FSTL5: variants seen among roughly 807,000 people sequenced by gnomAD.
The protein encoded by FSTL5 is follistatin-related protein 5.
In FSTL5, 62 loss-of-function variants were observed where a neutral mutation model predicts 89.1. The observed-to-expected ratio is 0.70, with a 90% CI of 0.57 to 0.86. The LOEUF (loss-of-function observed/expected upper bound fraction) is 0.86, where lower values mean the gene tolerates loss of function less well. FSTL5 is among the 40% of genes least tolerant of loss of function. FSTL5 has a pLI of 0.00. For synonymous variants in FSTL5, 383 were observed against 346.2 expected, an observed-to-expected ratio of 1.11 and a Z score of -1.18; for missense variants, 1,057 against 1,001.6, an observed-to-expected ratio of 1.06 and a Z score of -0.75.
At position 162,157,577 on chromosome 4, in the gene FSTL5, A is replaced by T. The variant is rs199680269; in HGVS notation, c.-17+6038T>A. Among the ~76,000 whole-genome samples, 6 of 152,240 alleles carry T rather than the reference A, an allele frequency of 3.9e-5. No individual in the cohort carries two copies. In the East Asian group the frequency reaches 1.2e-3, roughly 29 times the overall value. On this transcript the variant is annotated intron_variant, in intron 1 of 15. Coordinates refer to ENST00000306100, the MANE Select transcript of FSTL5 (RefSeq NM_020116.5). ...GAATGGTATACACAATCTCGTAAAA[A>T]TTCCAAGATTAAAAACATTTATGCC...
At chr4:161,941,160 A>G (rs1246756975) in intron 3 of FSTL5, among the ~76,000 whole-genome samples, 2 of 151,904 alleles carry the variant, frequency 1.3e-5, no homozygotes, top group African/African-American at 2.4e-5. Context: ...CTAAAAATAT[A>G]CATAAAAGGA....
intron 7 of FSTL5, among the ~76,000 whole-genome samples, chr4:161,603,648 A>T (rs1041920079): frequency 9.2e-5 from 14 of 152,308 alleles, no homozygotes; most frequent in Admixed American, 5.2e-4. Flanking sequence ...TTGTTTTTTT[A>T]AAATATTTTT....
chr4:161,833,643 C>A (rs1443221941), intron 4 of FSTL5, among the ~76,000 whole-genome samples: 1 of 151,994 alleles, frequency 6.6e-6, no homozygotes, highest in Admixed American at 6.6e-5. Flanking sequence ...TAATAGCCTT[C>A]TTTGTCTCTT....
At chr4:161,797,569 G>T (rs1020116376) in intron 4 of FSTL5, among the ~76,000 whole-genome samples, 1 of 151,420 alleles carries the variant, frequency 6.6e-6, no homozygotes, top group African/African-American at 2.4e-5. Flanking sequence ...AAATATATAT[G>T]CAGTCAAATA....
chr4:161,565,907 C>T (rs532858958), intron 8 of FSTL5, among the ~76,000 whole-genome samples: 1 of 150,318 alleles, frequency 6.7e-6, no homozygotes, highest in Non-Finnish European at 1.5e-5. Flanking sequence ...TATATGATGA[C>T]CTGTTTTTCT....
chr4:161,700,586 A>G (rs778356871), intron 6 of FSTL5, among the ~76,000 whole-genome samples: 1 of 152,078 alleles, frequency 6.6e-6, no homozygotes, highest in Non-Finnish European at 1.5e-5. Flanking sequence ...ATGTTTGCCC[A>G]GGGTGGTCTC....
chr4:161,675,749 A>G (rs926718842), intron 6 of FSTL5, among the ~76,000 whole-genome samples: 1 of 151,990 alleles, frequency 6.6e-6, no homozygotes, highest in Non-Finnish European at 1.5e-5. Flanking sequence ...TTTTTTACTT[A>G]AACCTGGAAC....
In FSTL5 at chr4:161,827,110, AG is replaced by A. The variant is rs536789223; in HGVS notation, c.410-51037del. Among the ~76,000 whole-genome samples the A allele has an allele frequency of 4.5e-3, 686 of 152,262 alleles. 6 individuals are homozygous for A. The highest frequency in any genetic ancestry group is 0.016 in the African/African-American group (677 of 41,548). ...TGTCAGAGGGAAGACCTGGGACTCAAGGGCTGCTCTTAAGATTCTTTTGTCC... is the reference window on the plus strand; with the variant it reads ...TGTCAGAGGGAAGACCTGGGACTCAAGGCTGCTCTTAAGATTCTTTTGTCC... On this transcript the variant is annotated intron_variant, in intron 4 of 15. Coordinates refer to ENST00000306100, the MANE Select transcript of FSTL5 (RefSeq NM_020116.5).
intron 4 of FSTL5, among the ~76,000 whole-genome samples, chr4:161,807,650 A>T (rs1730010806): frequency 6.6e-6 from 1 of 152,178 alleles, no homozygotes; most frequent in Admixed American, 6.5e-5. Flanking sequence ...GAATGAAAAA[A>T]CGAACATGGC....
At chr4:161,717,126 C>T (rs1282967399) in intron 6 of FSTL5, among the ~76,000 whole-genome samples, 1 of 152,122 alleles carries the variant, frequency 6.6e-6, no homozygotes, top group Non-Finnish European at 1.5e-5. Context: ...GTTTAAGACA[C>T]AAATGTACTG....
rs914068202 is a variant in FSTL5, at chr4:161,769,928, A to T, written c.606+5950T>A. ...AAAACCTAAAGACTCCACCAAAAAA[A>T]CTATTCACAATAGCCAAGATTTGGA... On this transcript the variant is annotated intron_variant, in intron 5 of 15. Coordinates refer to ENST00000306100, the MANE Select transcript of FSTL5 (RefSeq NM_020116.5). Among the ~76,000 whole-genome samples, 161 of 152,086 alleles carry T rather than the reference A, an allele frequency of 1.1e-3. 1 individual carries two copies. Among genetic ancestry groups the T allele is most frequent in the Non-Finnish European group, 1.9e-3 (132 of 67,852 alleles).
At chr4:161,890,568 A>T (rs1732953506) in intron 4 of FSTL5, among the ~76,000 whole-genome samples, 1 of 151,254 alleles carries the variant, frequency 6.6e-6, no homozygotes, top group Non-Finnish European at 1.5e-5. Context: ...TGTGCCTATA[A>T]CCCCAGCTAC....
chr4:162,067,434 G>T (rs1333683084), intron 2 of FSTL5, among the ~76,000 whole-genome samples: 1 of 151,968 alleles, frequency 6.6e-6, no homozygotes, highest in East Asian at 2.0e-4. Context: ...GAATTATGCT[G>T]CAATAAACAC....
chr4:162,136,447 A>G (rs950028733), intron 1 of FSTL5, among the ~76,000 whole-genome samples: 1 of 152,058 alleles, frequency 6.6e-6, no homozygotes, highest in African/African-American at 2.4e-5. Context: ...TCGATTTTAC[A>G]TCTTTAGAGT....
chr4:161,683,269 A>C (rs2126710776), intron 6 of FSTL5, among the ~76,000 whole-genome samples: 1 of 150,594 alleles, frequency 6.6e-6, no homozygotes. Context: ...AGGTGCTAGG[A>C]ATTTTTTGGC....
At chr4:161,624,092 T>C (rs1219111557) in intron 7 of FSTL5, among the ~76,000 whole-genome samples, 2 of 151,978 alleles carry the variant, frequency 1.3e-5, no homozygotes, top group African/African-American at 2.4e-5. Flanking sequence ...AGAGAAAAGA[T>C]AGCTATAACC....
At chr4:161,948,455 C>A (rs1734796814) in intron 3 of FSTL5, among the ~76,000 whole-genome samples, 1 of 146,142 alleles carries the variant, frequency 6.8e-6, no homozygotes, top group Non-Finnish European at 1.5e-5. Context: ...ACTTTGAATT[C>A]TACATGAACG....
chr4:161,858,459 T>C (rs1579147085), intron 4 of FSTL5, among the ~76,000 whole-genome samples: 1 of 152,108 alleles, frequency 6.6e-6, no homozygotes, highest in Admixed American at 6.6e-5. Context: ...GATGATAACA[T>C]AGTGAGCAAA....
At chr4:162,153,587 C>G (rs974952161) in intron 1 of FSTL5, among the ~76,000 whole-genome samples, 1 of 138,440 alleles carries the variant, frequency 7.2e-6, no homozygotes, top group Non-Finnish European at 1.5e-5. Context: ...CTTAAAATAA[C>G]TATATATATG....
Sources: allele counts gnomAD v4.1 joint callset (sites outside exome capture counted in the v4.1 genomes callset), GRCh38; gene constraint gnomAD v4.1.1; transcripts MANE v1.5; gene names NCBI Gene and HGNC (gene_info 2026-07-23, HGNC 2026-07-21).